CDH18: variants seen among roughly 807,000 people sequenced by gnomAD.
CDH18 encodes cadherin-18.
A neutral mutation model predicts 67.9 loss-of-function variants in CDH18; 31 were observed. That is an observed-to-expected ratio of 0.46 (90% confidence interval 0.34 to 0.62). The LOEUF is 0.62. Ranked by LOEUF, CDH18 falls within the 20% of genes least tolerant of loss-of-function variation. The pLI is 0.01. For missense variants in CDH18, 890 were observed against 975.5 expected (o/e 0.91, Z 1.17); for synonymous variants, 362 against 347.2 (o/e 1.04, Z -0.48).
intron 2 of CDH18, among the ~76,000 whole-genome samples, chr5:20,063,149 A>AT (rs1199934317): frequency 1.3e-5 from 2 of 151,214 alleles, no homozygotes; most frequent in Non-Finnish European, 3.0e-5. Context: ...GTTTCTTGTG[A>AT]TTTTTTTATT....
At chr5:20,430,585 A>G (rs943715182) in intron 1 of CDH18, among the ~76,000 whole-genome samples, 2 of 152,216 alleles carry the variant, frequency 1.3e-5, no homozygotes, top group Non-Finnish European at 2.9e-5. Flanking sequence ...TTTAATTTAT[A>G]TCACATACTT....
intron 1 of CDH18, among the ~76,000 whole-genome samples, chr5:20,308,212 T>G (rs1354941447): frequency 6.6e-6 from 1 of 151,840 alleles, no homozygotes; most frequent in Non-Finnish European, 1.5e-5. Flanking sequence ...TCTAAAACAT[T>G]TTTGTTAAAC....
intron 2 of CDH18, among the ~76,000 whole-genome samples, chr5:19,957,000 CACTT>C (rs1796318175): frequency 6.6e-6 from 1 of 151,866 alleles, no homozygotes; most frequent in Non-Finnish European, 1.5e-5. Context: ...CTTTTAATAC[CACTT>C]ACTTACATAC....
intron 1 of CDH18, among the ~76,000 whole-genome samples, chr5:20,502,066 C>T (rs976991058): frequency 2.0e-5 from 3 of 151,952 alleles, no homozygotes; most frequent in Non-Finnish European, 2.9e-5. Context: ...GCTCTGACAC[C>T]ATTGTTCAGA....
intron 2 of CDH18, among the ~76,000 whole-genome samples, chr5:19,998,593 T>C (rs945065243): frequency 3.3e-5 from 5 of 152,200 alleles, no homozygotes; most frequent in African/African-American, 1.2e-4. Context: ...GACATTTATA[T>C]ATAATTGTTC....
intron 1 of CDH18, among the ~76,000 whole-genome samples, chr5:20,382,607 T>C (rs370570684): frequency 6.6e-6 from 1 of 152,012 alleles, no homozygotes; most frequent in South Asian, 2.1e-4. Context: ...AAAATAAACA[T>C]CTCTCACATA....
At chr5:19,489,368 C>T (rs1561179585) in intron 11 of CDH18, among the ~76,000 whole-genome samples, 3 of 151,632 alleles carry the variant, frequency 2.0e-5, no homozygotes, top group Admixed American at 6.6e-5. Context: ...CTGCCTCAGC[C>T]TCCAAAGTAG....
intron 1 of CDH18, among the ~76,000 whole-genome samples, chr5:20,493,746 C>T (rs574117363): frequency 6.6e-6 from 1 of 152,170 alleles, no homozygotes; most frequent in African/African-American, 2.4e-5. Flanking sequence ...TGATCAAGTC[C>T]TCATTGTTTT....
At chr5:19,714,779 A>C (rs993143718) in intron 5 of CDH18, among the ~76,000 whole-genome samples, 1 of 152,068 alleles carries the variant, frequency 6.6e-6, no homozygotes, top group African/African-American at 2.4e-5. Context: ...ATTGACGGAA[A>C]CAATATATAT....
In CDH18 at chr5:19,873,650, CT is replaced by C. The variant is rs546444875; in HGVS notation, c.-256-34409del. Among the ~76,000 whole-genome samples, 309 of 150,232 alleles carry C rather than the reference CT, an allele frequency of 2.1e-3. 1 individual carries two copies. The highest frequency in any genetic ancestry group is 4.8e-3 in the African/African-American group (197 of 40,984). ...TGTACTTTCAAAATATCAAAAAAAA[CT>C]TTTTTTTTTCTTTTGAGACAGAGTC... On this transcript the variant is annotated intron_variant, in intron 2 of 12. Coordinates refer to ENST00000382275, the MANE Select transcript of CDH18 (RefSeq NM_004934.5).
At chr5:20,334,457 C>T (rs1473119283) in intron 1 of CDH18, among the ~76,000 whole-genome samples, 3 of 151,944 alleles carry the variant, frequency 2.0e-5, no homozygotes, top group East Asian at 3.9e-4. Context: ...TCTTAATAGG[C>T]ACTGGAAAGA....
At chr5:20,190,442 C>G (rs1738448065) in intron 2 of CDH18, among the ~76,000 whole-genome samples, 1 of 152,100 alleles carries the variant, frequency 6.6e-6, no homozygotes, top group Non-Finnish European at 1.5e-5. Context: ...GATTGATACT[C>G]TTAACAGTGC....
intron 9 of CDH18, among the ~76,000 whole-genome samples, chr5:19,541,377 C>T (rs979280344): frequency 1.1e-4 from 16 of 151,842 alleles, no homozygotes; most frequent in African/African-American, 3.9e-4. Context: ...CTGAGCCCTC[C>T]AAACTGTTTC....
intron 2 of CDH18, among the ~76,000 whole-genome samples, chr5:19,964,008 GTCCT>G (rs1797178520): frequency 6.6e-6 from 1 of 151,892 alleles, no homozygotes. Context: ...CTCCTACCAG[GTCCT>G]TCCCTCAACA....
chr5:19,896,098 T>G (rs1789300923), intron 2 of CDH18, among the ~76,000 whole-genome samples: 1 of 152,088 alleles, frequency 6.6e-6, no homozygotes, highest in African/African-American at 2.4e-5. Context: ...GGCTCACACC[T>G]GTAATCCCAG....
intron 2 of CDH18, among the ~76,000 whole-genome samples, chr5:19,924,039 C>T (rs1157383253): frequency 6.6e-6 from 1 of 152,154 alleles, no homozygotes; most frequent in Non-Finnish European, 1.5e-5. Flanking sequence ...GAAGCATTGT[C>T]ATAGCTGGCT....
chr5:20,574,993 C>A (rs1361480035), intron 1 of CDH18, among the ~76,000 whole-genome samples: 17 of 150,568 alleles, frequency 1.1e-4, no homozygotes, highest in Non-Finnish European at 1.6e-4. Context: ...AAAAAAAAAA[C>A]CACTAGCAAT....
At chr5:19,601,347 G>A (rs960809721) in intron 6 of CDH18, among the ~76,000 whole-genome samples, 6 of 152,218 alleles carry the variant, frequency 3.9e-5, no homozygotes, top group Admixed American at 1.3e-4. Flanking sequence ...CAACTAACTG[G>A]AGAATGTATA....
At chr5:20,161,487 T>C (rs1039145848) in intron 2 of CDH18, among the ~76,000 whole-genome samples, 1 of 152,174 alleles carries the variant, frequency 6.6e-6, no homozygotes, top group Non-Finnish European at 1.5e-5. Context: ...ATGTGGGACA[T>C]GACTAGACAA....
Sources: allele counts gnomAD v4.1 joint callset (sites outside exome capture counted in the v4.1 genomes callset), GRCh38; gene constraint gnomAD v4.1.1; transcripts MANE v1.5; gene names NCBI Gene and HGNC (gene_info 2026-07-23, HGNC 2026-07-21).